SLC24A2: variants seen among roughly 807,000 people sequenced by gnomAD.
SLC24A2 encodes the protein sodium/potassium/calcium exchanger 2.
In SLC24A2, 36 loss-of-function variants were observed where a neutral mutation model predicts 62.0. The observed-to-expected ratio is 0.58, with a 90% CI of 0.44 to 0.77. The LOEUF (loss-of-function observed/expected upper bound fraction) is 0.77. Ranked by LOEUF, SLC24A2 falls within the 30% of genes least tolerant of loss-of-function variation. The probability of loss-of-function intolerance (pLI) is 0.00; values close to 1 mark genes in which losing one functional copy is unlikely to be tolerated. For synonymous variants in SLC24A2, 358 were observed against 294.0 expected (o/e 1.22, Z -2.23); for missense variants, 846 against 817.9 (o/e 1.03, Z -0.42).
chr9:20,001,699 G>A, the SLC24A2 span, among the ~76,000 whole-genome samples: 4 of 152,106 alleles, frequency 2.6e-5, no homozygotes, highest in Non-Finnish European at 4.4e-5. Context: ...TCTTCCTACC[G>A]AGTCTTTAAG....
chr9:20,108,706 G>A, the SLC24A2 span, among the ~76,000 whole-genome samples: 1 of 149,116 alleles, frequency 6.7e-6, no homozygotes, highest in Admixed American at 6.7e-5. Flanking sequence ...TGTCGGGTTG[G>A]GGGAGGGGGG....
At chr9:19,516,902 G>T (rs1219628663) in intron 10 of SLC24A2, among the ~76,000 whole-genome samples, 1 of 152,164 alleles carries the variant, frequency 6.6e-6, no homozygotes, top group East Asian at 1.9e-4. Context: ...AAATGATGGT[G>T]GTTGGGGGCC....
chr9:19,550,011 G>C (rs1175415886), intron 8 of SLC24A2, 126 bp downstream of exon 8: 8 of 891,966 alleles, frequency 9.0e-6, no homozygotes, highest in African/African-American at 1.7e-5. Flanking sequence ...CTATTTATGG[G>C]GTATATGTGA....
At chr9:19,701,638 T>C (rs1820359180) in intron 2 of SLC24A2, among the ~76,000 whole-genome samples, 1 of 152,244 alleles carries the variant, frequency 6.6e-6, no homozygotes, top group Admixed American at 6.5e-5. Flanking sequence ...CAGTACACTA[T>C]TGCTTTGCAG....
chr9:19,624,486 C>A (rs1817985175), intron 2 of SLC24A2, among the ~76,000 whole-genome samples: 2 of 152,114 alleles, frequency 1.3e-5, no homozygotes, highest in Non-Finnish European at 2.9e-5. Context: ...AAAATATCTA[C>A]TCTATCGACT....
At chr9:20,100,259 C>A in the SLC24A2 span, among the ~76,000 whole-genome samples, 7 of 151,876 alleles carry the variant, frequency 4.6e-5, no homozygotes, top group Admixed American at 3.9e-4. Flanking sequence ...CAGGGTTTTG[C>A]CATGTCGCCC....
chr9:19,861,792 A>C, the SLC24A2 span, among the ~76,000 whole-genome samples: 1 of 152,140 alleles, frequency 6.6e-6, no homozygotes, highest in African/African-American at 2.4e-5. Flanking sequence ...TGCAGTTGGC[A>C]TACTGAAGAA....
At chr9:20,116,519 A>T in the SLC24A2 span, among the ~76,000 whole-genome samples, 1 of 152,156 alleles carries the variant, frequency 6.6e-6, no homozygotes, top group Non-Finnish European at 1.5e-5. Flanking sequence ...GTAGTTCTCC[A>T]ATGGGCTTTC....
chr9:20,104,394 T>C, the SLC24A2 span, among the ~76,000 whole-genome samples: 2 of 152,076 alleles, frequency 1.3e-5, no homozygotes, highest in Non-Finnish European at 2.9e-5. Flanking sequence ...AGACACATAA[T>C]TGTCAGATTC....
At chr9:19,707,578 TG>T (rs1820571265) in intron 2 of SLC24A2, among the ~76,000 whole-genome samples, 1 of 152,190 alleles carries the variant, frequency 6.6e-6, no homozygotes, top group African/African-American at 2.4e-5. Flanking sequence ...GCTTCATCCC[TG>T]GGATGCAAGA....
the SLC24A2 span, among the ~76,000 whole-genome samples, chr9:20,049,251 T>A: frequency 6.6e-6 from 1 of 152,182 alleles, no homozygotes; most frequent in Non-Finnish European, 1.5e-5. Flanking sequence ...ACCAGAACCA[T>A]CACATCGATC....
At chr9:20,097,201 G>C in the SLC24A2 span, among the ~76,000 whole-genome samples, 1 of 152,118 alleles carries the variant, frequency 6.6e-6, no homozygotes, top group African/African-American at 2.4e-5. Context: ...AGTTCATTTT[G>C]TTGGCCTCTA....
At chr9:20,120,776 T>A in the SLC24A2 span, among the ~76,000 whole-genome samples, 1 of 152,132 alleles carries the variant, frequency 6.6e-6, no homozygotes, top group African/African-American at 2.4e-5. Context: ...GGAGATTTTA[T>A]AGACTTATGA....
the SLC24A2 span, among the ~76,000 whole-genome samples, chr9:19,834,268 A>G: frequency 2.6e-5 from 4 of 152,180 alleles, no homozygotes; most frequent in Admixed American, 2.0e-4. Context: ...CAGAAGATCA[A>G]ACTACTCTGA....
chr9:19,999,086 T>C, the SLC24A2 span, among the ~76,000 whole-genome samples: 3 of 152,224 alleles, frequency 2.0e-5, no homozygotes, highest in Admixed American at 2.0e-4. Flanking sequence ...AATTTGTTCA[T>C]CTGTAAAATG....
At chr9:19,709,199 A>T (rs532494058) in intron 2 of SLC24A2, among the ~76,000 whole-genome samples, 24 of 152,062 alleles carry the variant, frequency 1.6e-4, no homozygotes, top group Admixed American at 1.2e-3. Flanking sequence ...TCAAAACCAC[A>T]ATGAGATACC....
chr9:19,670,506 G>A, intron 2 of SLC24A2, among the ~76,000 whole-genome samples: 1 of 152,078 alleles, frequency 6.6e-6, no homozygotes, highest in South Asian at 2.1e-4. Flanking sequence ...ATTACAAAGT[G>A]CCAGGGACTT....
the SLC24A2 span, among the ~76,000 whole-genome samples, chr9:20,131,492 A>G: frequency 1.3e-5 from 2 of 152,196 alleles, no homozygotes; most frequent in South Asian, 4.1e-4. Flanking sequence ...TCTTAAAGGA[A>G]GATGCCCCAC....
At chr9:19,560,936 G>A (rs557399864) in intron 7 of SLC24A2, among the ~76,000 whole-genome samples, 1 of 126,250 alleles carries the variant, frequency 7.9e-6, no homozygotes, top group Non-Finnish European at 1.8e-5. Context: ...GAGAGAGAGA[G>A]AGAGAGAGAG....
Sources: allele counts gnomAD v4.1 joint callset (sites outside exome capture counted in the v4.1 genomes callset), GRCh38; gene constraint gnomAD v4.1.1; transcripts MANE v1.5; gene names NCBI Gene and HGNC (gene_info 2026-07-23, HGNC 2026-07-21).